Variants in KCNH8 observed in about 807,000 individuals in gnomAD.
KCNH8 encodes the protein voltage-gated delayed rectifier potassium channel KCNH8.
A neutral mutation model predicts 103.6 loss-of-function variants in KCNH8; 70 were observed. The ratio of observed to expected loss-of-function variants is 0.68; its 90% CI spans 0.56 to 0.82. KCNH8 has a LOEUF of 0.82. Among genes scored for constraint, KCNH8 ranks in the 40% least tolerant of loss-of-function variants. The pLI, the probability that KCNH8 is intolerant of heterozygous loss-of-function variation, is 0.00. For missense variants in KCNH8, 1,217 were observed against 1,329.9 expected (o/e 0.92, Z 1.32); for synonymous variants, 498 against 489.4 (o/e 1.02, Z -0.23).
At chr3:19,225,111 A>G (rs1446374316) in intron 1 of KCNH8, among the ~76,000 whole-genome samples, 3 of 152,116 alleles carry the variant, frequency 2.0e-5, no homozygotes, top group African/African-American at 7.2e-5. Flanking sequence ...TACATTGAAT[A>G]CTAACCTGAG....
chr3:19,369,661 A>AT (rs1395718355), intron 5 of KCNH8, among the ~76,000 whole-genome samples: 1 of 151,662 alleles, frequency 6.6e-6, no homozygotes, highest in Non-Finnish European at 1.5e-5. Flanking sequence ...TGAACTCATC[A>AT]TTTTTTCCCA....
chr3:19,371,687 T>C (rs1469839819), intron 5 of KCNH8, among the ~76,000 whole-genome samples: 9 of 151,218 alleles, frequency 6.0e-5, no homozygotes, highest in Admixed American at 2.6e-4. Context: ...TCCTTGCCCA[T>C]GCCTATGTCC....
intron 11 of KCNH8, among the ~76,000 whole-genome samples, chr3:19,496,535 G>A (rs1289353506): frequency 6.6e-6 from 1 of 152,132 alleles, no homozygotes; most frequent in Non-Finnish European, 1.5e-5. Flanking sequence ...GCATCCCAGG[G>A]ATAAAGCCTA....
intron 1 of KCNH8, among the ~76,000 whole-genome samples, chr3:19,202,008 G>A (rs1304642207): frequency 6.6e-6 from 1 of 152,070 alleles, no homozygotes; most frequent in African/African-American, 2.4e-5. Flanking sequence ...ATTGAGTTTG[G>A]CAGATTTCTC....
chr3:19,474,863 A>G (rs1001801909), intron 11 of KCNH8, among the ~76,000 whole-genome samples: 3 of 152,122 alleles, frequency 2.0e-5, no homozygotes, highest in African/African-American at 7.2e-5. Context: ...TACAGTTTAC[A>G]TTTTCCTTTG....
At chr3:19,499,903 A>G (rs1462632115) in intron 11 of KCNH8, among the ~76,000 whole-genome samples, 1 of 152,200 alleles carries the variant, frequency 6.6e-6, no homozygotes, top group African/African-American at 2.4e-5. Flanking sequence ...ATAACCAGCT[A>G]ACATCATAAT....
intron 7 of KCNH8, among the ~76,000 whole-genome samples, chr3:19,398,365 T>C (rs918665779): frequency 3.3e-5 from 5 of 151,690 alleles, no homozygotes; most frequent in African/African-American, 9.7e-5. Context: ...ATGACCTGAG[T>C]TTTAAAGGGT....
At chr3:19,209,418 A>G (rs1238362258) in intron 1 of KCNH8, among the ~76,000 whole-genome samples, 2 of 152,122 alleles carry the variant, frequency 1.3e-5, no homozygotes, top group African/African-American at 2.4e-5. Flanking sequence ...TTATCTAGAA[A>G]GTAATGCTGA....
intron 11 of KCNH8, among the ~76,000 whole-genome samples, chr3:19,496,951 T>C (rs1351137159): frequency 6.6e-6 from 1 of 152,138 alleles, no homozygotes; most frequent in Non-Finnish European, 1.5e-5. Flanking sequence ...ATTTATCAGG[T>C]TCTTCTAGAT....
In KCNH8 at chr3:19,384,864, T is replaced by C. The variant is rs916979693; in HGVS notation, c.812-5617T>C. 2.9e-4 allele frequency among the ~76,000 whole-genome samples: 44 copies of C among 152,120 alleles called. 1 individual carries two copies. Among genetic ancestry groups the C allele is most frequent in the Non-Finnish European group, 5.3e-4 (36 of 68,002 alleles). ...TGAAAATTCCTTTTCAAAATCAAAA[T>C]TGATAAGGAGGCTTACTATGTAAAA... On this transcript the variant is annotated intron_variant, in intron 5 of 15. Transcript: ENST00000328405.
intron 4 of KCNH8, among the ~76,000 whole-genome samples, chr3:19,343,446 C>A (rs2065688126): frequency 6.6e-6 from 1 of 152,164 alleles, no homozygotes; most frequent in Middle Eastern, 3.4e-3. Flanking sequence ...CACTGAGAAA[C>A]CTAGAACAAT....
At chr3:19,295,609 C>T (rs1264227827) in intron 3 of KCNH8, among the ~76,000 whole-genome samples, 1 of 152,104 alleles carries the variant, frequency 6.6e-6, no homozygotes, top group East Asian at 1.9e-4. Flanking sequence ...TCACTGAGGA[C>T]AGGCTGGAGA....
At chr3:19,381,328 G>T (rs2066285341) in intron 5 of KCNH8, among the ~76,000 whole-genome samples, 1 of 152,056 alleles carries the variant, frequency 6.6e-6, no homozygotes, top group African/African-American at 2.4e-5. Context: ...TGGATCAATT[G>T]GATATCCATC....
At chr3:19,224,320 A>T in intron 1 of KCNH8, among the ~76,000 whole-genome samples, 1 of 152,152 alleles carries the variant, frequency 6.6e-6, no homozygotes, top group East Asian at 1.9e-4. Context: ...GCACTTGAAA[A>T]TGTAATCTAT....
At chr3:19,176,106 G>C (rs993798107) in intron 1 of KCNH8, among the ~76,000 whole-genome samples, 2 of 152,120 alleles carry the variant, frequency 1.3e-5, no homozygotes, top group Admixed American at 1.3e-4. Context: ...AATATGTCCA[G>C]CTGAGTTTGA....
chr3:19,507,399 C>A (rs1395148924), intron 11 of KCNH8, among the ~76,000 whole-genome samples: 1 of 152,164 alleles, frequency 6.6e-6, no homozygotes, highest in Non-Finnish European at 1.5e-5. Context: ...AGAAGCCCTG[C>A]CTCATGAAGA....
Position 19,347,858 on chromosome 3 carries a change from T to A in KCNH8, c.704T>A (p.Val235Asp). The A allele has an allele frequency of 6.2e-7, 1 of 1,613,436 alleles. No homozygotes were observed. Among genetic ancestry groups the A allele is most frequent in the Non-Finnish European group, 8.5e-7 (1 of 1,179,512 alleles). The part of the protein sequence containing the change: ...DWLILLATFY[V>D]AVTVPYNVCF... Reference sequence around the variant, plus strand: ...CTTATTTTGTTGGCAACGTTTTATGTTGCTGTGACTGTACCTTACAACGTT... The same window carrying A: ...CTTATTTTGTTGGCAACGTTTTATGATGCTGTGACTGTACCTTACAACGTT... The change falls in exon 5 of 16, where the codon GTT becomes GAT. Residue 235 changes from valine to aspartate, a missense_variant. This residue lies in a region of KCNH8 where 415 missense variants were observed against 577.4 expected (regional missense o/e 0.72). Transcript: ENST00000328405.
intron 1 of KCNH8, among the ~76,000 whole-genome samples, chr3:19,242,318 TGAAA>T (rs2064152879): frequency 6.6e-6 from 1 of 152,114 alleles, no homozygotes; most frequent in Non-Finnish European, 1.5e-5. Flanking sequence ...CACTAACTAA[TGAAA>T]GAGTGAGATC....
intron 1 of KCNH8, among the ~76,000 whole-genome samples, chr3:19,191,324 G>A (rs112102380): frequency 0.015 from 2,265 of 151,830 alleles, 62 homozygotes; most frequent in African/African-American, 0.051. Flanking sequence ...GCTTGTCAGC[G>A]TTGTATTTTA....
Sources: allele counts gnomAD v4.1 joint callset (sites outside exome capture counted in the v4.1 genomes callset), GRCh38; gene constraint gnomAD v4.1.1; regional missense constraint gnomAD v4.1.1; transcripts MANE v1.5; gene names NCBI Gene and HGNC (gene_info 2026-07-23, HGNC 2026-07-21).